Variants in ZHX3 observed in about 807,000 individuals in gnomAD.
ZHX3 encodes the protein zinc fingers and homeoboxes 3.
A neutral mutation model predicts 64.5 loss-of-function variants in ZHX3; 20 were observed. The observed-to-expected ratio is 0.31, with a 90% CI of 0.22 to 0.45. ZHX3 has a LOEUF of 0.45. Ranked by LOEUF, ZHX3 falls within the 20% of genes least tolerant of loss-of-function variation. The pLI, the probability that ZHX3 is intolerant of heterozygous loss-of-function variation, is 1.00. For synonymous variants in ZHX3, 423 were observed against 461.6 expected (o/e 0.92, Z 1.07); for missense variants, 1,041 against 1,195.8 (o/e 0.87, Z 1.91).
In ZHX3 at chr20:41,201,956, A is replaced by G; in HGVS notation, c.2860+101T>C. On this transcript the variant is annotated intron_variant, in intron 3 of 3. Coordinates refer to ENST00000683867, the MANE Select transcript of ZHX3 (RefSeq NM_001384317.1). The surrounding 1 kb of genome is among the most constrained non-coding windows in gnomAD (Gnocchi z 5.0). ...GTTAATGCTGCTGCCAGGCAGCCTT[A>G]GAGACAGCAGATGCCCCTGTGCAGT... 1 of 1,407,332 alleles carries G rather than the reference A, an allele frequency of 7.1e-7. No homozygotes were observed. The highest frequency in any genetic ancestry group is 9.4e-7 in the Non-Finnish European group (1 of 1,063,912). The allele number at this position is 1,407,332 out of a possible 1,614,324, so 87.2% of individuals were successfully genotyped here. A position where few individuals can be genotyped will look rare whatever the true frequency, so the allele number is the denominator to read the frequency against.
chr20:41,233,672 C>A (rs1361500015), intron 2 of ZHX3, among the ~76,000 whole-genome samples: 1 of 152,166 alleles, frequency 6.6e-6, no homozygotes, highest in African/African-American at 2.4e-5. Flanking sequence ...AAGCTCAAGG[C>A]TCTACATGCC....
chr20:41,205,140 T>G (rs2038594945), intron 2 of ZHX3, 74 bp from the exon 3 acceptor site: 1 of 620,012 alleles, frequency 1.6e-6, no homozygotes, highest in African/African-American at 1.9e-5. Flanking sequence ...CCCAGACACA[T>G]TCCACTGCTT....
At chr20:41,279,611 C>T (rs952583282) in intron 1 of ZHX3, among the ~76,000 whole-genome samples, 7 of 151,758 alleles carry the variant, frequency 4.6e-5, no homozygotes, top group African/African-American at 1.5e-4. Context: ...TTAAAATGAC[C>T]AATATAAAAG....
rs990192599 is a variant in ZHX3 at position 41,179,501 on chromosome 20, G to C, written c.*5690C>G. The C allele has an allele frequency of 6.7e-6, 1 of 150,330 alleles. No individual in the cohort carries two copies. Among genetic ancestry groups the C allele is most frequent in the Non-Finnish European group, 1.5e-5 (1 of 68,030 alleles). The allele number at this position is 150,330 out of a possible 1,614,324, so 9.3% of individuals were successfully genotyped here. ...CCTAAACAAATTACAGGATTCATAGGTACCATGTAGATTTTTCTTTTAAAT... is the reference window on the plus strand; with the variant it reads ...CCTAAACAAATTACAGGATTCATAGCTACCATGTAGATTTTTCTTTTAAAT... On this transcript the variant is annotated 3_prime_UTR_variant, in exon 4 of 4. Coordinates refer to ENST00000683867, the MANE Select transcript of ZHX3 (RefSeq NM_001384317.1). This position sits in a 1 kb window ranked among gnomAD's most constrained non-coding sequence, Gnocchi z 4.3.
At chr20:41,253,424 T>C (rs1451396703) in intron 2 of ZHX3, among the ~76,000 whole-genome samples, 1 of 152,234 alleles carries the variant, frequency 6.6e-6, no homozygotes, top group African/African-American at 2.4e-5. Context: ...TTAATATTCC[T>C]ACCTTGGTTT....
intron 2 of ZHX3, among the ~76,000 whole-genome samples, chr20:41,237,350 C>T (rs1488480593): frequency 6.6e-6 from 1 of 152,188 alleles, no homozygotes; most frequent in African/African-American, 2.4e-5. Context: ...ATAACAAAGA[C>T]TTGGAACCAA....
chr20:41,210,549 G>C (rs894314596), intron 2 of ZHX3, among the ~76,000 whole-genome samples: 1 of 152,176 alleles, frequency 6.6e-6, no homozygotes, highest in African/African-American at 2.4e-5. Context: ...CCTTTGTAGG[G>C]ACATGGATGA....
chr20:41,262,242 C>A (rs2042599946), intron 2 of ZHX3, among the ~76,000 whole-genome samples: 1 of 152,196 alleles, frequency 6.6e-6, no homozygotes, highest in Non-Finnish European at 1.5e-5. Context: ...CAAGAATTAT[C>A]TTCCTAAAAA....
Position 41,229,399 on chromosome 20 carries a change from C to T in ZHX3, c.-150-24333G>A, listed in dbSNP as rs569622243. On this transcript the variant is annotated intron_variant, in intron 2 of 3. Transcript: ENST00000683867. ...AATCTCTTTGAGTCCCTACTATCAA[C>T]TCTTCTGGGTAACTACCCAGAAGTG... Among the ~76,000 whole-genome samples, 104 of 152,262 alleles carry T rather than the reference C, an allele frequency of 6.8e-4. 1 individual carries two copies. Among genetic ancestry groups the T allele is most frequent in the African/African-American group, 2.4e-3 (99 of 41,558 alleles).
rs2039800817 is a variant in ZHX3, at chr20:41,219,603, A to AGAGTT, written c.-150-14542_-150-14538dup. Among the ~76,000 whole-genome samples the AGAGTT allele has an allele frequency of 6.6e-6, 1 of 152,268 alleles. No individual in the cohort carries two copies. The highest frequency in any genetic ancestry group is 1.5e-5 in the Non-Finnish European group (1 of 68,056). On this transcript the variant is annotated intron_variant, in intron 2 of 3. Coordinates refer to ENST00000683867, the MANE Select transcript of ZHX3 (RefSeq NM_001384317.1). This position sits in a 1 kb window ranked among gnomAD's most constrained non-coding sequence, Gnocchi z 5.0. ...GCTAAATTTGTTTTTTCTCTCAAAT[A>AGAGTT]GAGTTGAGGACTTACTATGTGCTAG...
At chr20:41,291,634 C>T (rs2044247200) in intron 1 of ZHX3, among the ~76,000 whole-genome samples, 1 of 151,546 alleles carries the variant, frequency 6.6e-6, no homozygotes, top group Non-Finnish European at 1.5e-5. Context: ...TATACGTATA[C>T]ACACATACAT....
rs7362100 is a variant in ZHX3, at chr20:41,185,094, T to G, written c.*97A>C. On this transcript the variant is annotated 3_prime_UTR_variant, in exon 4 of 4. Coordinates refer to ENST00000683867, the MANE Select transcript of ZHX3 (RefSeq NM_001384317.1). This position sits in a 1 kb window ranked among gnomAD's most constrained non-coding sequence, Gnocchi z 5.0. ...CTCCCAGGTGCCCAGCAGCCGGGCA[T>G]GGGAACGGCATGTGGCAGCAGAGAG... 1 of 1,566,950 alleles carries G rather than the reference T, an allele frequency of 6.4e-7. No homozygotes were observed. Among genetic ancestry groups the G allele is most frequent in the Non-Finnish European group, 8.7e-7 (1 of 1,153,870 alleles).
intron 3 of ZHX3, among the ~76,000 whole-genome samples, chr20:41,188,164 C>T (rs1394201106): frequency 5.3e-5 from 8 of 152,244 alleles, no homozygotes; most frequent in East Asian, 1.9e-4. Flanking sequence ...TGAGTAAGAA[C>T]GTGTATTTGT....
In ZHX3 at chr20:41,198,563, C is replaced by T. The variant is rs145559145; in HGVS notation, c.2860+3494G>A. Among the ~76,000 whole-genome samples, 8 of 151,118 alleles carry T rather than the reference C, an allele frequency of 5.3e-5. No homozygotes were observed. The South Asian group carries it at 8.3e-4, about 16-fold the overall frequency. On this transcript the variant is annotated intron_variant, in intron 3 of 3. Coordinates refer to ENST00000683867, the MANE Select transcript of ZHX3 (RefSeq NM_001384317.1). ...GCTTCCAAGATTTTTGATGAGGAAT[C>T]GGCTGTTAATCTTGTCAAAAATTCT...
At chr20:41,307,706 T>C (rs2045019654) in intron 1 of ZHX3, among the ~76,000 whole-genome samples, 1 of 152,230 alleles carries the variant, frequency 6.6e-6, no homozygotes, top group Non-Finnish European at 1.5e-5. Flanking sequence ...AAATGTAATT[T>C]ACTAGTTCCA....
chr20:41,203,071 A>G lies in ZHX3; in HGVS notation c.1846T>C (p.Tyr616His). 1 of 1,613,848 alleles carries G rather than the reference A, an allele frequency of 6.2e-7. No individual in the cohort carries two copies. Among genetic ancestry groups the G allele is most frequent in the Admixed American group, 1.7e-5 (1 of 59,984 alleles). ...AGCTGCTCAGGGGCTCTCTCCTTGT[A>G]TTTGGTTGGTGTGAAGTCAGGAGTC... ...HQTPDFTPTK[Y>H]KERAPEQLRA... The change falls in exon 3 of 4, where the codon TAC (tyrosine) becomes CAC (histidine). Residue 616 changes from tyrosine to histidine, a missense_variant. By Grantham distance (83) the Tyr-to-His change is moderately conservative. Transcript: ENST00000683867. The surrounding 1 kb of genome is among the most constrained non-coding windows in gnomAD (Gnocchi z 7.1).
chr20:41,253,575 G>A (rs902696744), intron 2 of ZHX3, among the ~76,000 whole-genome samples: 2 of 152,126 alleles, frequency 1.3e-5, no homozygotes, highest in Non-Finnish European at 2.9e-5. Flanking sequence ...GAGTAGGGGT[G>A]GGCACTGACT....
intron 2 of ZHX3, among the ~76,000 whole-genome samples, chr20:41,209,985 A>T (rs2039033932): frequency 6.6e-6 from 1 of 152,248 alleles, no homozygotes; most frequent in Admixed American, 6.5e-5. Context: ...CAAAGCACTT[A>T]AACAAATTTA....
rs1371199964 is a variant in ZHX3, at chr20:41,196,437, T to TATATTATATATA, written c.2860+5619_2860+5620insTATATATAATAT. Reference sequence around the variant, plus strand: ...TATATAATATATATTTATATAAATATATATATTATATATAATATATTTATA... The same window carrying TATATTATATATA: ...TATATAATATATATTTATATAAATATATATTATATATAATATATTATATATAATATATTTATA... On this transcript the variant is annotated intron_variant, in intron 3 of 3. Transcript: ENST00000683867. Among the ~76,000 whole-genome samples, 41 of 36,504 alleles carry TATATTATATATA rather than the reference T, an allele frequency of 1.1e-3. 3 individuals are homozygous for TATATTATATATA. The East Asian group carries it at 0.038, about 34-fold the overall frequency. 23.9% of individuals were successfully genotyped at this position (36,504 alleles called of 152,430 possible).
Sources: allele counts gnomAD v4.1 joint callset (sites outside exome capture counted in the v4.1 genomes callset), GRCh38; gene constraint gnomAD v4.1.1; non-coding constraint Gnocchi (gnomAD v3.1); transcripts MANE v1.5; gene names NCBI Gene and HGNC (gene_info 2026-07-23, HGNC 2026-07-21).